The following CTNNA2 variants were observed in gnomAD, a reference collection of about 807,000 sequenced individuals.
CTNNA2 encodes the protein catenin alpha-2.
Under a neutral mutation model 101.0 loss-of-function variants are expected in CTNNA2, and 42 were observed. The observed-to-expected ratio is 0.42, with a 90% CI of 0.32 to 0.54. The LOEUF is 0.54. Ranked by LOEUF, CTNNA2 falls within the 20% of genes least tolerant of loss-of-function variation. CTNNA2 has a pLI of 0.14. For missense variants in CTNNA2, 871 were observed against 1,223.1 expected, an observed-to-expected ratio of 0.71 and a Z score of 4.29; for synonymous variants, 450 against 456.4, an observed-to-expected ratio of 0.99 and a Z score of 0.18.
At chr2:79,991,009 G>C (rs955185476) in intron 7 of CTNNA2, among the ~76,000 whole-genome samples, 1 of 152,166 alleles carries the variant, frequency 6.6e-6, no homozygotes, top group African/African-American at 2.4e-5. Flanking sequence ...TTGGGAGGGT[G>C]TATGTGTCCA....
chr2:80,207,526 G>T (rs542846290), intron 7 of CTNNA2, among the ~76,000 whole-genome samples: 78 of 152,180 alleles, frequency 5.1e-4, no homozygotes, highest in Non-Finnish European at 1.0e-3. Context: ...AGGGCTTATG[G>T]CATTAGGGAT....
chr2:80,594,208 CATG>C (rs965340601), intron 15 of CTNNA2, among the ~76,000 whole-genome samples: 29 of 152,166 alleles, frequency 1.9e-4, no homozygotes, highest in African/African-American at 7.0e-4. Flanking sequence ...AGTGGTGTCT[CATG>C]GTGGTTTTAA....
At chr2:79,786,885 A>G (rs1674888960) in intron 3 of CTNNA2, among the ~76,000 whole-genome samples, 1 of 152,048 alleles carries the variant, frequency 6.6e-6, no homozygotes, top group African/African-American at 2.4e-5. Flanking sequence ...CGATCTGGGA[A>G]CTTCACTTTC....
chr2:80,395,335 C>T (rs1209591994), intron 8 of CTNNA2, among the ~76,000 whole-genome samples: 4 of 152,110 alleles, frequency 2.6e-5, no homozygotes, highest in Non-Finnish European at 5.9e-5. Context: ...TATTAAGATC[C>T]AACAGTTATG....
intron 7 of CTNNA2, among the ~76,000 whole-genome samples, chr2:80,170,205 C>A (rs141666226): frequency 8.1e-5 from 12 of 149,004 alleles, no homozygotes; most frequent in African/African-American, 2.8e-4. Context: ...CTCTCTCTCT[C>A]TCTATCTCTC....
chr2:80,635,713 G>A (rs933219164), intron 18 of CTNNA2, among the ~76,000 whole-genome samples: 2 of 152,094 alleles, frequency 1.3e-5, no homozygotes. Flanking sequence ...GGCCCACACT[G>A]GATATGGTAA....
At chr2:80,405,265 A>G (rs1678955475) in intron 8 of CTNNA2, among the ~76,000 whole-genome samples, 1 of 152,156 alleles carries the variant, frequency 6.6e-6, no homozygotes, top group Non-Finnish European at 1.5e-5. Context: ...AGATATTACT[A>G]TCAAAAAGAT....
chr2:80,177,333 C>T (rs949593493), intron 7 of CTNNA2, among the ~76,000 whole-genome samples: 4 of 152,112 alleles, frequency 2.6e-5, no homozygotes, highest in South Asian at 2.1e-4. Context: ...AAGTCGATTC[C>T]GGTGAGGACA....
intron 2 of CTNNA2, among the ~76,000 whole-genome samples, chr2:79,733,852 G>T (rs1028997491): frequency 6.6e-6 from 1 of 152,008 alleles, no homozygotes; most frequent in African/African-American, 2.4e-5. Context: ...GTCAAACCTC[G>T]TGTTCATGTC....
intron 7 of CTNNA2, among the ~76,000 whole-genome samples, chr2:79,978,242 A>G (rs140751458): frequency 6.6e-6 from 1 of 152,228 alleles, no homozygotes; most frequent in African/African-American, 2.4e-5. Flanking sequence ...TCTTGCACGG[A>G]TTACTTGGGT....
intron 2 of CTNNA2, among the ~76,000 whole-genome samples, chr2:79,207,075 A>T (rs1674109375): frequency 6.6e-6 from 1 of 152,190 alleles, no homozygotes; most frequent in Non-Finnish European, 1.5e-5. Flanking sequence ...TCTTTGATGG[A>T]AAACAACTAA....
At chr2:79,718,378 A>G (rs1449815921) in intron 2 of CTNNA2, among the ~76,000 whole-genome samples, 1 of 152,126 alleles carries the variant, frequency 6.6e-6, no homozygotes, top group East Asian at 1.9e-4. Flanking sequence ...CTATTAATAA[A>G]TTAATTATTG....
chr2:79,608,191 TCA>T (rs1412302425), intron 1 of CTNNA2, among the ~76,000 whole-genome samples: 2 of 151,974 alleles, frequency 1.3e-5, no homozygotes, highest in Non-Finnish European at 2.9e-5. Flanking sequence ...TCTTTCAAGG[TCA>T]CAGACTACCA....
chr2:79,673,638 G>T (rs1682993657), intron 2 of CTNNA2, among the ~76,000 whole-genome samples: 1 of 152,046 alleles, frequency 6.6e-6, no homozygotes, highest in African/African-American at 2.4e-5. Flanking sequence ...ATAAATGAAT[G>T]ACCATTTGCC....
chr2:79,778,610 CAT>C (rs1674179486), intron 3 of CTNNA2, among the ~76,000 whole-genome samples: 4 of 152,192 alleles, frequency 2.6e-5, no homozygotes, highest in South Asian at 2.1e-4. Context: ...TATATACACA[CAT>C]ATATACACAC....
In CTNNA2 at chr2:79,523,798, C is replaced by T. The variant is rs149228734; in HGVS notation, c.-6+10591C>T. Among the ~76,000 whole-genome samples, 1,435 of 152,100 alleles carry T rather than the reference C, an allele frequency of 9.4e-3. 18 individuals are homozygous for T. Among genetic ancestry groups the T allele is most frequent in the African/African-American group, 0.033 (1,365 of 41,524 alleles). ...TACCAATGAATAGGTAAGAAGAATA[C>T]CTCTTTTTTAGATAAATTTGTTTCC... is the stretch of plus-strand genomic sequence containing the variant. On this transcript the variant is annotated intron_variant, in intron 1 of 18. Transcript: ENST00000402739.
intron 7 of CTNNA2, among the ~76,000 whole-genome samples, chr2:80,158,611 T>C (rs1213167942): frequency 6.6e-6 from 1 of 152,178 alleles, no homozygotes; most frequent in Non-Finnish European, 1.5e-5. Context: ...GTTTTGTTGT[T>C]TTAAGAATGT....
chr2:80,426,301 A>G (rs1309922268), intron 9 of CTNNA2, among the ~76,000 whole-genome samples: 1 of 152,182 alleles, frequency 6.6e-6, no homozygotes, highest in Non-Finnish European at 1.5e-5. Flanking sequence ...TAATTTGGGT[A>G]CAAAATATGC....
chr2:80,023,428 G>C (rs887013131), intron 7 of CTNNA2, among the ~76,000 whole-genome samples: 1 of 152,136 alleles, frequency 6.6e-6, no homozygotes, highest in East Asian at 1.9e-4. Flanking sequence ...CTGACCAAGG[G>C]GCCAGTGATT....
Sources: gnomAD v4.1 joint callset for allele counts (sites outside exome capture counted in the v4.1 genomes callset) on GRCh38, gnomAD v4.1.1 for gene constraint, MANE v1.5 for transcripts, NCBI Gene and HGNC (gene_info 2026-07-23, HGNC 2026-07-21) for gene names.